The following CSMD2 variants were observed in gnomAD, a reference collection of about 807,000 sequenced individuals.
The protein encoded by CSMD2 is CUB and sushi domain-containing protein 2.
Under a neutral mutation model 398.5 loss-of-function variants are expected in CSMD2, and 130 were observed. That is an observed-to-expected ratio of 0.33 (90% CI 0.28 to 0.38). CSMD2 has a LOEUF of 0.38. CSMD2 is among the 10% of genes least tolerant of loss of function. The pLI is 1.00. For missense variants in CSMD2, 3,829 were observed against 4,764.9 expected, an observed-to-expected ratio of 0.80 and a Z score of 5.78; for synonymous variants, 1,828 against 1,908.5, an observed-to-expected ratio of 0.96 and a Z score of 1.10.
intron 4 of CSMD2, among the ~76,000 whole-genome samples, chr1:33,927,907 T>C (rs1487747951): frequency 6.6e-6 from 1 of 152,174 alleles, no homozygotes; most frequent in Non-Finnish European, 1.5e-5. Context: ...GCCCCCACCC[T>C]GAAGCAGCAT....
Position 33,625,152 on chromosome 1 carries a change from T to C in CSMD2, c.5399A>G (p.Glu1800Gly), listed in dbSNP as rs748407640. 3 of 1,612,790 alleles carry C rather than the reference T, an allele frequency of 1.9e-6. No homozygotes were observed. The highest frequency in any genetic ancestry group is 2.5e-6 in the Non-Finnish European group (3 of 1,179,554). Reference sequence around the variant, plus strand: ...CTGCAGGGCATAGCCGGAGTTGCATTCGAAGCGGACGATGGCCCCCACCGA... The same window carrying C: ...CTGCAGGGCATAGCCGGAGTTGCATCCGAAGCGGACGATGGCCCCCACCGA... The part of the protein sequence containing the change: ...DFSVGAIVRF[E>G]CNSGYALQGS... The change falls in exon 34 of 71, where the codon GAA becomes GGA. Residue 1800 changes from glutamate (E) to glycine (G), a missense_variant. Coordinates refer to ENST00000373381, the MANE Select transcript of CSMD2 (RefSeq NM_001281956.2).
chr1:33,697,054 T>C (rs553984581), intron 24 of CSMD2, among the ~76,000 whole-genome samples: 2 of 152,278 alleles, frequency 1.3e-5, no homozygotes, highest in African/African-American at 4.8e-5. Context: ...AAGGTTCTAG[T>C]GTAAGTCTAA....
In CSMD2 at chr1:33,624,575, G is replaced by C; in HGVS notation, c.5569C>G (p.Leu1857Val). 6.2e-7 allele frequency: 1 copy of C among 1,614,046 alleles called. No homozygotes were observed. The highest frequency in any genetic ancestry group is 8.5e-7 in the Non-Finnish European group (1 of 1,179,950). Residue 1857 changes from leucine (L) to valine (V), a missense_variant, in exon 35 of 71, where the codon CTC (leucine) becomes GTC (valine). This residue lies in a region of CSMD2 where 2,001 missense variants were observed against 2,567.1 expected (regional missense o/e 0.78). Coordinates refer to ENST00000373381, the MANE Select transcript of CSMD2 (RefSeq NM_001281956.2). This position sits in a 1 kb window ranked among gnomAD's most constrained non-coding sequence, Gnocchi z 4.7. ...ILSPGFPEPY[L>V]NSLNCVWKIV... ...TTCCACACACAGTTGAGGCTGTTGA[G>C]GTACGGCTCTGGGAAGCCAGGGGAC... is the stretch of plus-strand genomic sequence containing the variant.
At chr1:33,842,844 A>G (rs1033478332) in intron 6 of CSMD2, among the ~76,000 whole-genome samples, 6 of 152,178 alleles carry the variant, frequency 3.9e-5, no homozygotes, top group Admixed American at 6.5e-5. Context: ...GGAGGGCCGG[A>G]TTTGGTCTGT....
chr1:33,881,000 C>CCCAGTATGTG (rs112560751), intron 5 of CSMD2, among the ~76,000 whole-genome samples: 19,777 of 152,080 alleles, frequency 0.13, 1,908 homozygotes, highest in African/African-American at 0.28. Flanking sequence ...ATTTATGATG[C>CCCAGTATGTG]CCAGGCACTG....
chr1:34,083,720 C>A (rs544295370), intron 2 of CSMD2, among the ~76,000 whole-genome samples: 1 of 152,074 alleles, frequency 6.6e-6, no homozygotes, highest in African/African-American at 2.4e-5. Context: ...AGTTTGAGAC[C>A]GGCCTGGGCA....
At chr1:33,560,413 C>T (rs1658434219) in intron 53 of CSMD2, among the ~76,000 whole-genome samples, 1 of 152,198 alleles carries the variant, frequency 6.6e-6, no homozygotes, top group Non-Finnish European at 1.5e-5. Context: ...ATCCCTGCAT[C>T]CCTCTGATTC....
At chr1:33,525,464 T>A (rs1328126202) in intron 65 of CSMD2, among the ~76,000 whole-genome samples, 1 of 152,130 alleles carries the variant, frequency 6.6e-6, no homozygotes, top group African/African-American at 2.4e-5. Flanking sequence ...AAGATAAATA[T>A]CATATGATCT....
Position 33,825,711 on chromosome 1 carries a change from T to C in CSMD2, c.1097A>G (p.Gln366Arg). The C allele has an allele frequency of 2.5e-6, 4 of 1,612,922 alleles. No individual in the cohort carries two copies. The highest frequency in any genetic ancestry group is 3.4e-6 in the Non-Finnish European group (4 of 1,179,546). ...VKLMPSKDNSQKTSVLTQVGV... is the reference protein window; with the variant it reads ...VKLMPSKDNSRKTSVLTQVGV... ...CGGACACTTACACACAGACGTCTTC[T>C]GGCTGTTGTCTTTGCTGGGCATCAG... The change falls in exon 7 of 71, where the codon CAG (glutamine) becomes CGG (arginine). Residue 366 changes from glutamine (Q) to arginine (R), a missense_variant. By Grantham distance (43) the Gln-to-Arg change is conservative. Transcript: ENST00000373381.
In CSMD2 at chr1:33,558,303, T is replaced by C. The variant is rs78848362; in HGVS notation, c.8555-381A>G. Among the ~76,000 whole-genome samples, 16 of 152,362 alleles carry C rather than the reference T, an allele frequency of 1.1e-4. No homozygotes were observed. The East Asian group carries it at 3.1e-3, about 29-fold the overall frequency. On this transcript the variant is annotated intron_variant, in intron 54 of 70. Transcript: ENST00000373381. ...TGCCTCCCACAGCAAAGCTTGTCAA[T>C]TGTAAAACTGACGCATTTGAACTGA...
chr1:34,132,897 A>G (rs1296592436), intron 1 of CSMD2, among the ~76,000 whole-genome samples: 1 of 151,660 alleles, frequency 6.6e-6, no homozygotes. Flanking sequence ...GGGGCTTTTC[A>G]GCCTTCATAA....
intron 1 of CSMD2, among the ~76,000 whole-genome samples, chr1:34,092,726 G>A (rs1168301436): frequency 1.3e-5 from 2 of 152,246 alleles, no homozygotes; most frequent in Non-Finnish European, 2.9e-5. Flanking sequence ...CGCACCACGA[G>A]ATTATATCCC....
chr1:33,572,439 T>C (rs1659680006), intron 50 of CSMD2, 67 bp downstream of exon 50: 2 of 1,385,930 alleles, frequency 1.4e-6, no homozygotes, highest in Non-Finnish European at 1.9e-6. Flanking sequence ...GCTCACTCCT[T>C]GCAGGAATCT....
At chr1:34,007,873 T>G (rs936303306) in intron 3 of CSMD2, among the ~76,000 whole-genome samples, 1 of 152,214 alleles carries the variant, frequency 6.6e-6, no homozygotes, top group African/African-American at 2.4e-5. Context: ...TTCTTTGTGC[T>G]CTTGTGAATG....
intron 10 of CSMD2, among the ~76,000 whole-genome samples, chr1:33,792,867 C>T (rs1199250937): frequency 6.6e-6 from 1 of 152,214 alleles, no homozygotes; most frequent in African/African-American, 2.4e-5. Context: ...GGCTTGTTGG[C>T]AACTTTTCAG....
At chr1:33,790,657 G>T (rs76593698) in intron 11 of CSMD2, among the ~76,000 whole-genome samples, 4 of 120,280 alleles carry the variant, frequency 3.3e-5, no homozygotes, top group Non-Finnish European at 5.1e-5. Flanking sequence ...TTTGCTGTTT[G>T]TCTGTCTATC....
rs570114870 is a variant in CSMD2 at position 33,931,450 on chromosome 1, AT to A, written c.712+4309del. On this transcript the variant is annotated intron_variant, in intron 4 of 70. Coordinates refer to ENST00000373381, the MANE Select transcript of CSMD2 (RefSeq NM_001281956.2). Reference sequence around the variant, plus strand: ...TAGGATATTCTTGTAGCTTGTGGGGATTATAATAGAGATGAACCTGAAGGTA... The same window carrying A: ...TAGGATATTCTTGTAGCTTGTGGGGATATAATAGAGATGAACCTGAAGGTA... Among the ~76,000 whole-genome samples, 556 of 151,166 alleles carry A rather than the reference AT, an allele frequency of 3.7e-3. 4 individuals are homozygous for A. Among genetic ancestry groups the A allele is most frequent in the Middle Eastern group, 0.021 (6 of 292 alleles).
chr1:33,557,547 T>C (rs1557531846), intron 55 of CSMD2, among the ~76,000 whole-genome samples, 187 bp downstream of exon 55: 1 of 151,342 alleles, frequency 6.6e-6, no homozygotes, highest in Non-Finnish European at 1.5e-5. Context: ...CAACAGAGGC[T>C]CAAGAAGGAA....
At chr1:33,595,362 T>G (rs1341834812) in intron 44 of CSMD2, among the ~76,000 whole-genome samples, 1 of 152,242 alleles carries the variant, frequency 6.6e-6, no homozygotes, top group Non-Finnish European at 1.5e-5. Context: ...GATGCTGGCT[T>G]CTTCTCACTG....
Sources: gnomAD v4.1 joint callset for allele counts (sites outside exome capture counted in the v4.1 genomes callset) on GRCh38, gnomAD v4.1.1 for gene constraint, gnomAD v4.1.1 regional missense constraint, Gnocchi (gnomAD v3.1) non-coding constraint, MANE v1.5 for transcripts, NCBI Gene and HGNC (gene_info 2026-07-23, HGNC 2026-07-21) for gene names.